MDGA2: variants seen among roughly 807,000 people sequenced by gnomAD.
MDGA2 encodes the protein MAM domain containing glycosylphosphatidylinositol anchor 2.
Under a neutral mutation model 117.8 loss-of-function variants are expected in MDGA2, and 40 were observed. The observed-to-expected ratio is 0.34, with a 90% confidence interval of 0.26 to 0.44. The LOEUF (loss-of-function observed/expected upper bound fraction) is 0.44. Among genes scored for constraint, MDGA2 ranks in the 20% least tolerant of loss-of-function variants. The probability of loss-of-function intolerance (pLI) is 1.00; values close to 1 mark genes in which losing one functional copy is unlikely to be tolerated. For synonymous variants in MDGA2, 452 were observed against 439.0 expected (o/e 1.03, Z -0.37); for missense variants, 1,123 against 1,250.6 (o/e 0.90, Z 1.54).
chr14:47,035,630 A>G (rs1353102535), intron 7 of MDGA2, among the ~76,000 whole-genome samples: 2 of 152,310 alleles, frequency 1.3e-5, no homozygotes, highest in East Asian at 3.9e-4. Context: ...TTCATAGAAG[A>G]GTAGCATTCA....
intron 8 of MDGA2, among the ~76,000 whole-genome samples, chr14:46,982,323 T>C (rs1886704265): frequency 6.6e-6 from 1 of 152,096 alleles, no homozygotes; most frequent in Admixed American, 6.6e-5. Context: ...AAAGTAGTAT[T>C]ATTAAAATGG....
chr14:47,279,190 A>T (rs558546753), intron 2 of MDGA2, among the ~76,000 whole-genome samples: 4 of 152,342 alleles, frequency 2.6e-5, no homozygotes, highest in Admixed American at 2.6e-4. Flanking sequence ...CAAATTGATT[A>T]AAAATGTGTG....
intron 14 of MDGA2, among the ~76,000 whole-genome samples, chr14:46,866,887 AAAC>A (rs35328968): frequency 0.18 from 26,762 of 151,890 alleles, 3,019 homozygotes; most frequent in Non-Finnish European, 0.25. Context: ...AAAAGTCAGA[AAAC>A]AACAGATGCT....
At chr14:47,227,266 T>C (rs887992614) in intron 2 of MDGA2, among the ~76,000 whole-genome samples, 2 of 152,144 alleles carry the variant, frequency 1.3e-5, no homozygotes, top group African/African-American at 4.8e-5. Flanking sequence ...TGGGAGTTTA[T>C]TCCCTACCCC....
intron 4 of MDGA2, among the ~76,000 whole-genome samples, chr14:47,142,534 G>A (rs1213172066): frequency 2.6e-5 from 4 of 152,012 alleles, no homozygotes; most frequent in Non-Finnish European, 5.9e-5. Context: ...ATCTATAAAT[G>A]TTATCATGTT....
rs577618061 is a variant in MDGA2, at chr14:47,335,109, AC to A, written c.281-33560del. The stretch of plus-strand genomic sequence containing the variant: ...AATTTAAAGCTATTACTGAATACCT[AC>A]TAAATGCTAGCCCCTTACTCTTTAG... On this transcript the variant is annotated intron_variant, in intron 1 of 16. Transcript: ENST00000399232. Among the ~76,000 whole-genome samples, 51 of 151,790 alleles carry A rather than the reference AC, an allele frequency of 3.4e-4. 1 individual carries two copies. The highest frequency in any genetic ancestry group is 6.8e-4 in the Non-Finnish European group (46 of 67,860).
chr14:47,202,528 G>C lies in MDGA2; in HGVS notation c.595+15493C>G, dbSNP rs564251526. On this transcript the variant is annotated intron_variant, in intron 3 of 16. Coordinates refer to ENST00000399232, the MANE Select transcript of MDGA2 (RefSeq NM_001113498.3). Reference sequence around the variant, plus strand: ...TGGAGCTTTTGTCTCCTATAACCTAGCATGCCATTTGTCGATAGGAATTAA... The same window carrying C: ...TGGAGCTTTTGTCTCCTATAACCTACCATGCCATTTGTCGATAGGAATTAA... Among the ~76,000 whole-genome samples the C allele has an allele frequency of 2.0e-5, 3 of 152,154 alleles. No individual in the cohort carries two copies. In the East Asian group the frequency reaches 5.8e-4, roughly 29 times the overall value.
intron 10 of MDGA2, among the ~76,000 whole-genome samples, chr14:46,899,884 T>C (rs1025483115): frequency 1.3e-5 from 2 of 152,010 alleles, no homozygotes; most frequent in Non-Finnish European, 2.9e-5. Flanking sequence ...AAGGCATCAG[T>C]AGAGTATCAG....
intron 14 of MDGA2, among the ~76,000 whole-genome samples, chr14:46,857,478 T>G (rs1881313633): frequency 1.3e-5 from 2 of 151,968 alleles, no homozygotes; most frequent in Admixed American, 6.6e-5. Flanking sequence ...TTGTTTGTCT[T>G]GTATATAGTA....
chr14:47,218,167 G>T lies in MDGA2; in HGVS notation c.449C>A (p.Ala150Asp). 6.5e-7 allele frequency: 1 copy of T among 1,549,298 alleles called. No homozygotes were observed. Among genetic ancestry groups the T allele is most frequent in the South Asian group, 1.2e-5 (1 of 83,784 alleles). Residue 150 changes from alanine (A) to aspartate (D), a missense_variant, in exon 3 of 17, where the codon GCC (alanine) becomes GAC (aspartate). This residue lies in a region of MDGA2 where 233 missense variants were observed against 200.3 expected (regional missense o/e 1.16). Coordinates refer to ENST00000399232, the MANE Select transcript of MDGA2 (RefSeq NM_001113498.3). Reference sequence around the variant, plus strand: ...ACTTGAGTCTTGGAATCTGTCAGAGGCACTTCCTGCTGTTTTGGTCCACCT... The same window carrying T: ...ACTTGAGTCTTGGAATCTGTCAGAGTCACTTCCTGCTGTTTTGGTCCACCT... ...QIRWTKTAGS[A>D]SDRFQDSSVF...
chr14:47,674,726 C>A lies in MDGA2; in HGVS notation c.71G>T (p.Arg24Leu), dbSNP rs1398673273. ...RRRRGRTDGRRFLLRRAVPGH... is the reference protein window; with the variant it reads ...RRRRGRTDGRLFLLRRAVPGH... ...GGGAACCGCTCGCCGAAGGAGGAAG[C>A]GCCGTCCGTCTGTCCTTCCCCGGCG... Residue 24 changes from arginine to leucine, a missense_variant, in exon 1 of 17, where the codon CGC becomes CTC. Physicochemically the swap from Arg to Leu is moderately radical, Grantham distance 102. Transcript: ENST00000399232. 1 of 813,258 alleles carries A rather than the reference C, an allele frequency of 1.2e-6. No individual in the cohort carries two copies. Among genetic ancestry groups the A allele is most frequent in the Non-Finnish European group, 2.1e-6 (1 of 477,792 alleles). 50.4% of individuals were successfully genotyped at this position (813,258 alleles called of 1,614,324 possible). A position where few individuals can be genotyped will look rare whatever the true frequency, so the allele number is the denominator to read the frequency against.
At chr14:47,102,366 A>AACACACAC (rs3039394) in intron 5 of MDGA2, among the ~76,000 whole-genome samples, 1 of 148,286 alleles carries the variant, frequency 6.7e-6, no homozygotes, top group Non-Finnish European at 1.5e-5. Flanking sequence ...AGGAAGGAGA[A>AACACACAC]ACACACACAC....
chr14:46,966,317 A>T (rs1442028719), intron 8 of MDGA2, among the ~76,000 whole-genome samples: 1 of 152,190 alleles, frequency 6.6e-6, no homozygotes, highest in Non-Finnish European at 1.5e-5. Flanking sequence ...CCTATGTCAC[A>T]TTATTTCCAA....
chr14:46,921,339 C>T (rs1429702951), intron 9 of MDGA2, among the ~76,000 whole-genome samples: 1 of 151,646 alleles, frequency 6.6e-6, no homozygotes, highest in East Asian at 1.9e-4. Flanking sequence ...AGGGCTCGTG[C>T]CTATAATCCC....
chr14:47,056,330 A>G (rs1482501830), intron 7 of MDGA2, among the ~76,000 whole-genome samples: 6 of 152,122 alleles, frequency 3.9e-5, no homozygotes, highest in Admixed American at 3.9e-4. Context: ...GACACTGGTT[A>G]ACTAAAATAA....
At chr14:47,541,071 A>T (rs889693423) in intron 1 of MDGA2, among the ~76,000 whole-genome samples, 1 of 152,214 alleles carries the variant, frequency 6.6e-6, no homozygotes, top group African/African-American at 2.4e-5. Flanking sequence ...AAAAAATTCA[A>T]ATCCACCTAG....
intron 1 of MDGA2, among the ~76,000 whole-genome samples, chr14:47,565,168 T>C (rs775623833): frequency 3.0e-4 from 46 of 152,296 alleles, no homozygotes; most frequent in Non-Finnish European, 5.7e-4. Context: ...AGTGCAGTCA[T>C]TTGGAGGTGA....
At position 47,392,701 on chromosome 14, in the gene MDGA2, T is replaced by C. The variant is rs187538370; in HGVS notation, c.281-91151A>G. ...GAGCTGCTTTACATGGCAATGTGGC[T>C]CAGCCTACATTCCCACTTACACTTG... On this transcript the variant is annotated intron_variant, in intron 1 of 16. Transcript: ENST00000399232. Among the ~76,000 whole-genome samples, 47 of 152,258 alleles carry C rather than the reference T, an allele frequency of 3.1e-4. No homozygotes were observed. In the East Asian group the frequency reaches 7.2e-3, roughly 23 times the overall value.
intron 1 of MDGA2, among the ~76,000 whole-genome samples, chr14:47,517,907 C>T (rs1382735769): frequency 6.6e-6 from 1 of 152,102 alleles, no homozygotes; most frequent in Admixed American, 6.6e-5. Context: ...TAAATTTCCT[C>T]ACTTTGTAAT....
Sources: gnomAD v4.1 joint callset for allele counts (sites outside exome capture counted in the v4.1 genomes callset) on GRCh38, gnomAD v4.1.1 for gene constraint, gnomAD v4.1.1 regional missense constraint, MANE v1.5 for transcripts, NCBI Gene and HGNC (gene_info 2026-07-23, HGNC 2026-07-21) for gene names.